The following GXYLT2 variants were observed in gnomAD, a reference collection of about 807,000 sequenced individuals.
GXYLT2 encodes the protein glucoside xylosyltransferase 2, also known as glycosyltransferase 8 domain containing 4.
GXYLT2 carries 53 observed loss-of-function variants against 45.8 expected under a neutral mutation model. The observed-to-expected ratio is 1.16, with a 90% CI of 0.93 to 1.46. The LOEUF (loss-of-function observed/expected upper bound fraction) is 1.46, where lower values mean the gene tolerates loss of function less well. Among genes scored for constraint, GXYLT2 ranks in the 40% most tolerant of loss-of-function variants. The pLI, the probability that GXYLT2 is intolerant of heterozygous loss-of-function variation, is 0.00. For synonymous variants in GXYLT2, 219 were observed against 214.2 expected, an observed-to-expected ratio of 1.02 and a Z score of -0.19; for missense variants, 551 against 544.4, an observed-to-expected ratio of 1.01 and a Z score of -0.12.
chr3:72,905,145 A>G (rs904037471), intron 1 of GXYLT2, among the ~76,000 whole-genome samples: 1 of 150,900 alleles, frequency 6.6e-6, no homozygotes, highest in African/African-American at 2.4e-5. Context: ...TTTGAGACAG[A>G]GTCTCACTCT....
At chr3:72,895,739 T>C (rs1412467512) in intron 1 of GXYLT2, among the ~76,000 whole-genome samples, 4 of 152,256 alleles carry the variant, frequency 2.6e-5, no homozygotes, top group African/African-American at 9.6e-5. Flanking sequence ...TTTCAAATTA[T>C]GAAGTTCCGA....
Position 72,888,268 on chromosome 3 carries a change from T to G in GXYLT2, c.35T>G (p.Leu12Trp). 1.0e-6 allele frequency: 1 copy of G among 994,892 alleles called. No individual in the cohort carries two copies. Among genetic ancestry groups the G allele is most frequent in the Non-Finnish European group, 1.2e-6 (1 of 838,890 alleles). 61.6% of individuals were successfully genotyped at this position (994,892 alleles called of 1,614,324 possible). ...CGCAGCAAGGCGGCGGCGCTGCTCT[T>G]GCTCGCGCTGGCCGCGCTGCTGCTG... ...KLRSKAAALL[L>W]LALAALLLAL... Residue 12 changes from leucine to tryptophan, a missense_variant, in exon 1 of 7, where the codon TTG becomes TGG. Transcript: ENST00000389617.
chr3:72,961,867 C>G (rs2107149264), intron 5 of GXYLT2, among the ~76,000 whole-genome samples: 1 of 152,184 alleles, frequency 6.6e-6, no homozygotes, highest in Non-Finnish European at 1.5e-5. Flanking sequence ...AAAATGAAAC[C>G]AGCCAAGTAT....
At chr3:72,957,127 C>T in intron 4 of GXYLT2, 102 bp from the exon 5 acceptor site, 3 of 1,219,368 alleles carry the variant, frequency 2.5e-6, no homozygotes, top group Non-Finnish European at 3.4e-6. Context: ...GTATTTGTTT[C>T]CCTCCTCTGA....
At chr3:72,957,455 C>T (rs1710671215) in intron 5 of GXYLT2, 103 bp downstream of exon 5, 2 of 1,163,086 alleles carry the variant, frequency 1.7e-6, no homozygotes, top group African/African-American at 3.1e-5. Context: ...TTGAATTGTG[C>T]ACAGAGGAGC....
chr3:72,944,734 T>C (rs1291727597), intron 3 of GXYLT2, among the ~76,000 whole-genome samples: 1 of 152,164 alleles, frequency 6.6e-6, no homozygotes, highest in Non-Finnish European at 1.5e-5. Flanking sequence ...TGAAATTCAC[T>C]TCTGCTTGAA....
intron 5 of GXYLT2, among the ~76,000 whole-genome samples, chr3:72,963,864 A>T (rs1710813148): frequency 6.6e-6 from 1 of 151,994 alleles, no homozygotes; most frequent in African/African-American, 2.4e-5. Context: ...TAGTAGAGAC[A>T]GGGTTTCTCC....
At chr3:72,907,053 G>A (rs1164313946) in intron 1 of GXYLT2, among the ~76,000 whole-genome samples, 1 of 152,198 alleles carries the variant, frequency 6.6e-6, no homozygotes, top group Non-Finnish European at 1.5e-5. Context: ...CCAGAGGGCT[G>A]TCTCAGTGAT....
intron 1 of GXYLT2, among the ~76,000 whole-genome samples, chr3:72,890,463 A>G (rs1006658465): frequency 3.9e-5 from 6 of 152,352 alleles, no homozygotes; most frequent in African/African-American, 1.4e-4. Context: ...TGAGGAAAGT[A>G]TTGCACAAGG....
chr3:72,967,629 T>A lies in GXYLT2; in HGVS notation c.1059T>A (p.His353Gln), dbSNP rs547893432. The stretch of plus-strand genomic sequence containing the variant: ...GAAGCAACTGCAGAGAGGCTGAGCA[T>A]GAAGGTGTGTCTGTTCTGCATGGAA... ...MYGSNCREAE[H>Q]EGVSVLHGNR... is the part of the protein sequence containing the mutation. Residue 353 changes from histidine to glutamine, a missense_variant, in exon 6 of 7, where the codon CAT becomes CAA. Physicochemically the swap from His to Gln is conservative, Grantham distance 24. Coordinates refer to ENST00000389617, the MANE Select transcript of GXYLT2 (RefSeq NM_001080393.2). The A allele has an allele frequency of 1.7e-5, 28 of 1,613,960 alleles. 1 individual carries two copies. In the South Asian group the frequency reaches 2.9e-4, roughly 16 times the overall value.
chr3:72,923,255 C>CA (rs966497547), intron 3 of GXYLT2, among the ~76,000 whole-genome samples: 9 of 147,836 alleles, frequency 6.1e-5, no homozygotes, highest in Non-Finnish European at 9.0e-5. Context: ...AACTACATCT[C>CA]AAAAAAAAAA....
At chr3:72,946,591 C>G (rs1010608877) in intron 3 of GXYLT2, among the ~76,000 whole-genome samples, 1 of 152,108 alleles carries the variant, frequency 6.6e-6, no homozygotes, top group African/African-American at 2.4e-5. Context: ...GCCTTCTCAC[C>G]GTGTCCTCCT....
At chr3:72,965,297 T>A (rs577697795) in intron 5 of GXYLT2, among the ~76,000 whole-genome samples, 1 of 152,326 alleles carries the variant, frequency 6.6e-6, no homozygotes, top group African/African-American at 2.4e-5. Context: ...ACTTCATTAT[T>A]TGCTTTCCAT....
intron 5 of GXYLT2, among the ~76,000 whole-genome samples, chr3:72,963,602 A>C (rs992746232): frequency 6.6e-6 from 1 of 151,014 alleles, no homozygotes; most frequent in African/African-American, 2.4e-5. Flanking sequence ...TCCTGGGCTC[A>C]AGTGAGTCTC....
intron 5 of GXYLT2, among the ~76,000 whole-genome samples, chr3:72,966,718 C>T (rs1023571830): frequency 6.6e-6 from 1 of 151,830 alleles, no homozygotes; most frequent in Non-Finnish European, 1.5e-5. Context: ...CAACCTCTGC[C>T]ACCTCCTGGC....
At chr3:72,912,043 C>T (rs1399652886) in intron 2 of GXYLT2, among the ~76,000 whole-genome samples, 3 of 137,258 alleles carry the variant, frequency 2.2e-5, no homozygotes, top group Non-Finnish European at 4.5e-5. Context: ...CAGCGTCTCG[C>T]TCTGTCTCCC....
rs1463674120 is a variant in GXYLT2, at chr3:72,888,427, C to T, written c.194C>T (p.Pro65Leu). ...CCGGGCGCCCTCCCCGGGGCCAGCC[C>T]GGGAGTTCGGAGGCGCCGGCCCCCG... ...PGPGALPGAS[P>L]GVRRRRPPRP... The change falls in exon 1 of 7, where the codon CCG becomes CTG. Residue 65 changes from proline to leucine, a missense_variant. Physicochemically the swap from Pro to Leu is moderately conservative, Grantham distance 98. Transcript: ENST00000389617. The T allele has an allele frequency of 2.7e-6, 3 of 1,126,842 alleles. No homozygotes were observed. The highest frequency in any genetic ancestry group is 3.1e-5 in the South Asian group (1 of 31,942). The allele number at this position is 1,126,842 out of a possible 1,614,324, so 69.8% of individuals were successfully genotyped here.
At chr3:72,964,462 A>G (rs1324258596) in intron 5 of GXYLT2, among the ~76,000 whole-genome samples, 1 of 151,970 alleles carries the variant, frequency 6.6e-6, no homozygotes, top group Non-Finnish European at 1.5e-5. Flanking sequence ...AGCTGGGACT[A>G]CAGGCACATG....
intron 1 of GXYLT2, among the ~76,000 whole-genome samples, chr3:72,889,526 T>G (rs1709137890): frequency 6.6e-6 from 1 of 152,164 alleles, no homozygotes; most frequent in African/African-American, 2.4e-5. Flanking sequence ...TACAAATGGG[T>G]ACTGACAAGT....
Sources: gnomAD v4.1 joint callset for allele counts (sites outside exome capture counted in the v4.1 genomes callset) on GRCh38, gnomAD v4.1.1 for gene constraint, MANE v1.5 for transcripts, NCBI Gene and HGNC (gene_info 2026-07-23, HGNC 2026-07-21) for gene names.